The following ATP6V1H variants were observed in gnomAD, a reference collection of about 807,000 sequenced individuals.
ATP6V1H encodes the protein ATPase H+ transporting V1 subunit H, also known as V-type proton ATPase subunit H.
Under a neutral mutation model 71.7 loss-of-function variants are expected in ATP6V1H, and 39 were observed. That is an observed-to-expected ratio of 0.54 (90% CI 0.42 to 0.71). The LOEUF is 0.71. Among genes scored for constraint, ATP6V1H ranks in the 30% least tolerant of loss-of-function variants. The probability of loss-of-function intolerance (pLI) is 0.00; values close to 1 mark genes in which losing one functional copy is unlikely to be tolerated. For missense variants in ATP6V1H, 509 were observed against 594.9 expected (o/e 0.86, Z 1.50); for synonymous variants, 192 against 199.3 (o/e 0.96, Z 0.31).
intron 13 of ATP6V1H, among the ~76,000 whole-genome samples, chr8:53,733,171 C>T (rs1807083568): frequency 1.3e-5 from 2 of 152,250 alleles, no homozygotes; most frequent in African/African-American, 4.8e-5. Context: ...CTTAGGCTGA[C>T]TGCCGCCAGC....
intron 4 of ATP6V1H, among the ~76,000 whole-genome samples, chr8:53,824,458 T>C (rs1810764515): frequency 6.6e-6 from 1 of 152,130 alleles, no homozygotes; most frequent in Non-Finnish European, 1.5e-5. Context: ...ATATGAACAC[T>C]GAGGCAAAAA....
At chr8:53,763,430 A>C (rs1808345600) in intron 11 of ATP6V1H, among the ~76,000 whole-genome samples, 1 of 152,220 alleles carries the variant, frequency 6.6e-6, no homozygotes, top group Admixed American at 6.5e-5. Flanking sequence ...CTGTTGAAAG[A>C]AATTAAATAC....
chr8:53,820,650 G>A (rs1320282913), intron 4 of ATP6V1H, among the ~76,000 whole-genome samples: 7 of 148,038 alleles, frequency 4.7e-5, no homozygotes, highest in African/African-American at 1.7e-4. Context: ...CTAGGTGACA[G>A]AGTGAGATTT....
At chr8:53,808,855 C>T (rs1810181601) in intron 7 of ATP6V1H, among the ~76,000 whole-genome samples, 1 of 151,530 alleles carries the variant, frequency 6.6e-6, no homozygotes, top group Non-Finnish European at 1.5e-5. Flanking sequence ...TAAAATGATG[C>T]TTCTGAGGCC....
At chr8:53,762,207 C>T (rs1808294760) in intron 11 of ATP6V1H, among the ~76,000 whole-genome samples, 1 of 151,490 alleles carries the variant, frequency 6.6e-6, no homozygotes, top group South Asian at 2.1e-4. Flanking sequence ...ACAAAAAGTT[C>T]CAATGAAGTT....
chr8:53,751,804 G>A (rs2130229843), intron 12 of ATP6V1H, among the ~76,000 whole-genome samples: 2 of 152,108 alleles, frequency 1.3e-5, no homozygotes, highest in East Asian at 3.9e-4. Flanking sequence ...TGAGTAGCTG[G>A]GACTACAGGC....
At chr8:53,811,905 A>G (rs1233427132) in intron 6 of ATP6V1H, among the ~76,000 whole-genome samples, 2 of 152,196 alleles carry the variant, frequency 1.3e-5, no homozygotes, top group African/African-American at 4.8e-5. Context: ...GTCAAAGAAC[A>G]AAACATCTAA....
chr8:53,755,435 C>T (rs575761769), intron 12 of ATP6V1H, among the ~76,000 whole-genome samples: 3 of 140,826 alleles, frequency 2.1e-5, no homozygotes, highest in African/African-American at 5.2e-5. Flanking sequence ...CTTTAGTGTG[C>T]GTGAGTCACT....
At position 53,741,458 on chromosome 8, in the gene ATP6V1H, T is replaced by C. The variant is rs578037187; in HGVS notation, c.1391+2119A>G. 7.4e-4 allele frequency among the ~76,000 whole-genome samples: 112 copies of C among 152,244 alleles called. 1 individual carries two copies. The Middle Eastern group carries it at 0.01, about 14-fold the overall frequency. On this transcript the variant is annotated intron_variant, in intron 13 of 13. Coordinates refer to ENST00000359530, the MANE Select transcript of ATP6V1H (RefSeq NM_015941.4). The stretch of plus-strand genomic sequence containing the variant: ...CCCTAATTTCAACACAATGGGAAAA[T>C]AAAACTTTGACTTTCACAGAAACTT...
At chr8:53,716,142 A>T (rs1409514322) in intron 13 of ATP6V1H, 118 bp from the exon 14 acceptor site, 1 of 750,798 alleles carries the variant, frequency 1.3e-6, no homozygotes, top group Non-Finnish European at 2.1e-6. Flanking sequence ...AAAATAACTA[A>T]AAAGTCCTAG....
chr8:53,805,306 A>C (rs143477494), intron 7 of ATP6V1H, among the ~76,000 whole-genome samples: 1 of 152,188 alleles, frequency 6.6e-6, no homozygotes, highest in Non-Finnish European at 1.5e-5. Context: ...TGAACCACAA[A>C]GATGAACTTT....
intron 12 of ATP6V1H, among the ~76,000 whole-genome samples, chr8:53,755,066 G>GT (rs1397319640): frequency 6.6e-6 from 1 of 152,164 alleles, no homozygotes; most frequent in Non-Finnish European, 1.5e-5. Context: ...TGGTATAGCA[G>GT]TGAGAGCTGC....
Position 53,775,497 on chromosome 8 carries a change from C to G in ATP6V1H, c.871-3330G>C, listed in dbSNP as rs530358198. Among the ~76,000 whole-genome samples, 337 of 152,230 alleles carry G rather than the reference C, an allele frequency of 2.2e-3. 2 individuals carry two copies. Among genetic ancestry groups the G allele is most frequent in the African/African-American group, 7.9e-3 (326 of 41,520 alleles). On this transcript the variant is annotated intron_variant, in intron 9 of 13. Coordinates refer to ENST00000359530, the MANE Select transcript of ATP6V1H (RefSeq NM_015941.4). ...TTGGTGGTTTACAATCCCTGAGCTA[C>G]ATACAAAGGTTCTCCACGTCCCCAT... is the stretch of plus-strand genomic sequence containing the variant.
At chr8:53,732,241 T>C (rs1176648456) in intron 13 of ATP6V1H, among the ~76,000 whole-genome samples, 1 of 152,160 alleles carries the variant, frequency 6.6e-6, no homozygotes, top group African/African-American at 2.4e-5. Flanking sequence ...AGTGTTGTTT[T>C]GTCTCAAAAA....
intron 13 of ATP6V1H, among the ~76,000 whole-genome samples, chr8:53,718,892 G>C (rs1203481935): frequency 2.0e-5 from 3 of 152,220 alleles, no homozygotes; most frequent in Non-Finnish European, 2.9e-5. Context: ...AGGGGCCCCA[G>C]GTGGAACTTT....
At position 53,834,489 on chromosome 8, in the gene ATP6V1H, G is replaced by A. The variant is rs185711599; in HGVS notation, c.114-1403C>T. On this transcript the variant is annotated intron_variant, in intron 2 of 13. Coordinates refer to ENST00000359530, the MANE Select transcript of ATP6V1H (RefSeq NM_015941.4). ...TTGCCAGGCTGGAGTGCAGTGGCACGATCTCAGCTCAATGCAACCTCTGCC... is the reference window on the plus strand; with the variant it reads ...TTGCCAGGCTGGAGTGCAGTGGCACAATCTCAGCTCAATGCAACCTCTGCC... Among the ~76,000 whole-genome samples, 345 of 152,220 alleles carry A rather than the reference G, an allele frequency of 2.3e-3. 2 individuals are homozygous for A. Among genetic ancestry groups the A allele is most frequent in the African/African-American group, 7.9e-3 (328 of 41,556 alleles).
chr8:53,715,881 A>G lies in ATP6V1H; in HGVS notation c.*83T>C. 1 of 1,192,050 alleles carries G rather than the reference A, an allele frequency of 8.4e-7. No homozygotes were observed. The highest frequency in any genetic ancestry group is 1.2e-6 in the Non-Finnish European group (1 of 849,136). 73.8% of individuals were successfully genotyped at this position (1,192,050 alleles called of 1,614,324 possible). A position where few individuals can be genotyped will look rare whatever the true frequency, so the allele number is the denominator to read the frequency against. On this transcript the variant is annotated 3_prime_UTR_variant, in exon 14 of 14. Coordinates refer to ENST00000359530, the MANE Select transcript of ATP6V1H (RefSeq NM_015941.4). Reference sequence around the variant, plus strand: ...AACAGAGGAAATTCCAAGTAAAATCAAACAGTGTTCACTCTTAACTCTAAA... The same window carrying G: ...AACAGAGGAAATTCCAAGTAAAATCGAACAGTGTTCACTCTTAACTCTAAA...
At chr8:53,805,273 A>T (rs2130446210) in intron 7 of ATP6V1H, among the ~76,000 whole-genome samples, 2 of 152,336 alleles carry the variant, frequency 1.3e-5, no homozygotes, top group Middle Eastern at 6.8e-3. Context: ...TCATGGTGAA[A>T]ATGCACAGCA....
At chr8:53,794,252 T>C (rs1809657403) in intron 9 of ATP6V1H, among the ~76,000 whole-genome samples, 1 of 152,172 alleles carries the variant, frequency 6.6e-6, no homozygotes, top group African/African-American at 2.4e-5. Context: ...AAATTATACA[T>C]CTATTTATTT....
Sources: allele counts gnomAD v4.1 joint callset (sites outside exome capture counted in the v4.1 genomes callset), GRCh38; gene constraint gnomAD v4.1.1; transcripts MANE v1.5; gene names NCBI Gene and HGNC (gene_info 2026-07-23, HGNC 2026-07-21).